TGM2: variants seen among roughly 807,000 people sequenced by gnomAD.
TGM2 encodes the protein protein-glutamine gamma-glutamyltransferase 2.
In TGM2, 53 loss-of-function variants were observed where a neutral mutation model predicts 75.6. That is an observed-to-expected ratio of 0.70 (90% CI 0.56 to 0.88). The LOEUF (loss-of-function observed/expected upper bound fraction) is 0.88, where lower values mean the gene tolerates loss of function less well. Ranked by LOEUF, TGM2 falls within the 40% of genes least tolerant of loss-of-function variation. The pLI, the probability that TGM2 is intolerant of heterozygous loss-of-function variation, is 0.00. For synonymous variants in TGM2, 374 were observed against 381.1 expected (o/e 0.98, Z 0.22); for missense variants, 842 against 928.5 (o/e 0.91, Z 1.21).
At chr20:38,134,366 G>A (rs1303821983) in intron 10 of TGM2, among the ~76,000 whole-genome samples, 1 of 152,190 alleles carries the variant, frequency 6.6e-6, no homozygotes, top group Non-Finnish European at 1.5e-5. Flanking sequence ...AAATTACTAG[G>A]TCAAGACCTG....
At chr20:38,166,893 C>T (rs1311073742), upstream of TGM2, among the ~76,000 whole-genome samples, 2 of 152,130 alleles carry the variant, frequency 1.3e-5, no homozygotes, top group African/African-American at 4.8e-5. Context: ...GAAAGAGCAG[C>T]GTGAGGAGAA....
intron 12 of TGM2, 134 bp downstream of exon 12, chr20:38,130,959 G>C: frequency 7.2e-7 from 1 of 1,398,154 alleles, no homozygotes; most frequent in Non-Finnish European, 9.9e-7. Context: ...AGGGTGTCTG[G>C]GAGTGGGCAC....
intron 12 of TGM2, 113 bp from the exon 13 acceptor site, chr20:38,130,482 A>C: frequency 8.4e-7 from 1 of 1,197,146 alleles, no homozygotes; most frequent in Non-Finnish European, 1.2e-6. Context: ...GTGTCCATGA[A>C]TGGGCCTCAT....
chr20:38,158,281 CAGG>C (rs1568702273), intron 2 of TGM2, among the ~76,000 whole-genome samples: 2 of 152,230 alleles, frequency 1.3e-5, no homozygotes, highest in Non-Finnish European at 2.9e-5. Context: ...CCTGGGGGAA[CAGG>C]AGAAGGACAG....
rs757001334 is a variant in TGM2, at chr20:38,139,406, A to G, written c.1342+6T>C. The G allele has an allele frequency of 1.9e-6, 3 of 1,614,030 alleles. No individual in the cohort carries two copies. Among genetic ancestry groups the G allele is most frequent in the East Asian group, 4.5e-5 (2 of 44,890 alleles). ...AGGCTGCATTAAAGACTCTGAGGGC[A>G]CATACCCTCTGGGTATTTGTAGGTG... On this transcript the variant is annotated splice_donor_region_variant and intron_variant, in intron 9 of 12. Transcript: ENST00000361475.
At chr20:38,160,669 T>C (rs538987841) in intron 2 of TGM2, among the ~76,000 whole-genome samples, 1 of 152,276 alleles carries the variant, frequency 6.6e-6, no homozygotes, top group African/African-American at 2.4e-5. Context: ...AATGAACTGC[T>C]GGGACCCAGA....
At chr20:38,162,514 G>T (rs570641191) in intron 1 of TGM2, among the ~76,000 whole-genome samples, 1 of 152,166 alleles carries the variant, frequency 6.6e-6, no homozygotes, top group African/African-American at 2.4e-5. Context: ...TAGATTGCAA[G>T]AAAGAAAATG....
intron 3 of TGM2, among the ~76,000 whole-genome samples, chr20:38,153,544 AAAG>A (rs367760874): frequency 2.2e-4 from 31 of 141,982 alleles, no homozygotes; most frequent in African/African-American, 7.8e-4. Context: ...AAAAAAAAAA[AAAG>A]AATGAATGAG....
intron 7 of TGM2, among the ~76,000 whole-genome samples, chr20:38,141,587 T>C (rs1399356193): frequency 6.6e-6 from 1 of 151,826 alleles, no homozygotes; most frequent in Non-Finnish European, 1.5e-5. Flanking sequence ...CGCCCACTCC[T>C]ACACCTCAGA....
intron 8 of TGM2, 77 bp from the exon 9 acceptor site, chr20:38,139,731 A>G (rs1230490720): frequency 3.2e-6 from 5 of 1,586,302 alleles, no homozygotes; most frequent in Non-Finnish European, 4.3e-6. Flanking sequence ...CCACAATTCA[A>G]TCACATGTAG....
At chr20:38,140,285 C>G (rs140120397) in intron 8 of TGM2, among the ~76,000 whole-genome samples, 1 of 152,230 alleles carries the variant, frequency 6.6e-6, no homozygotes, top group Non-Finnish European at 1.5e-5. Flanking sequence ...TCTAGCACAT[C>G]CATGTGATGG....
chr20:38,165,682 ACACACACACACACACACACGCACACACT>A (rs1453627540), upstream of TGM2, among the ~76,000 whole-genome samples: 1 of 150,856 alleles, frequency 6.6e-6, no homozygotes, highest in Non-Finnish European at 1.5e-5. Context: ...ACACACACAC[ACACACACACACACACACACGCACACACT>A]CACACACATA....
At chr20:38,161,104 C>T (rs879783451) in intron 2 of TGM2, among the ~76,000 whole-genome samples, 2 of 152,174 alleles carry the variant, frequency 1.3e-5, no homozygotes, top group Non-Finnish European at 2.9e-5. Context: ...CACGCCCAGC[C>T]TGTGGATGGG....
At position 38,146,811 on chromosome 20, in the gene TGM2, G is replaced by T. The variant is rs144447756; in HGVS notation, c.765C>A (p.Ile255=). 2 of 1,614,016 alleles carry T rather than the reference G, an allele frequency of 1.2e-6. No individual in the cohort carries two copies. The highest frequency in any genetic ancestry group is 8.5e-7 in the Non-Finnish European group (1 of 1,179,962). ...AGCGCCGCAGGATGTCCACGCTGCC[G>T]ATCCAGGACATGGGGCTGACGCCGT... ...YGDGVSPMSW[I]GSVDILRRWK... Residue 255 remains isoleucine, a synonymous_variant, in exon 6 of 13, where the codon ATC becomes ATA. Transcript: ENST00000361475.
At position 38,131,176 on chromosome 20, in the gene TGM2, C is replaced by T. The variant is rs372783610; in HGVS notation, c.1830G>A (p.Gln610=). The T allele has an allele frequency of 5.3e-5, 86 of 1,613,836 alleles. No individual in the cohort carries two copies. The highest frequency in any genetic ancestry group is 1.3e-4 in the Admixed American group (8 of 59,988). ...CTTCCAGGGCCACAGGGAGCGGGTT[C>T]TGCAGGGACACCTCAGCCACCAGCT... is the stretch of plus-strand genomic sequence containing the variant. The part of the protein sequence containing the change: ...KRKLVAEVSL[Q]NPLPVALEGC... The change falls in exon 12 of 13, where the codon CAG becomes CAA. Residue 610 remains glutamine, a synonymous_variant. Coordinates refer to ENST00000361475, the MANE Select transcript of TGM2 (RefSeq NM_004613.4).
At chr20:38,148,149 C>T in intron 4 of TGM2, 60 bp from the exon 5 acceptor site, 1 of 1,610,438 alleles carries the variant, frequency 6.2e-7, no homozygotes, top group East Asian at 2.2e-5. Context: ...CTCCAGGAAG[C>T]CTGCGTTGAA....
At chr20:38,149,153 C>T (rs2075082969) in intron 4 of TGM2, among the ~76,000 whole-genome samples, 1 of 152,214 alleles carries the variant, frequency 6.6e-6, no homozygotes. Flanking sequence ...TGAGCTTTCA[C>T]TTGCATAGTT....
In TGM2 at chr20:38,147,872, G is replaced by A. The variant is rs1001225879; in HGVS notation, c.681+89C>T. The stretch of plus-strand genomic sequence containing the variant: ...TTACCCATCTCCCGGGTCCCCCACC[G>A]CGCCTAGCCTGTGTCTCCACTGCGA... On this transcript the variant is annotated intron_variant, in intron 5 of 12. Coordinates refer to ENST00000361475, the MANE Select transcript of TGM2 (RefSeq NM_004613.4). 28 of 1,539,028 alleles carry A rather than the reference G, an allele frequency of 1.8e-5. No individual in the cohort carries two copies. In the East Asian group the frequency reaches 1.9e-4, roughly 11 times the overall value.
intron 10 of TGM2, among the ~76,000 whole-genome samples, chr20:38,136,995 T>C (rs1316705508): frequency 6.6e-6 from 1 of 152,150 alleles, no homozygotes; most frequent in Non-Finnish European, 1.5e-5. Flanking sequence ...AATGACACCA[T>C]GTCACTGCGA....
Sources: gnomAD v4.1 joint callset for allele counts (sites outside exome capture counted in the v4.1 genomes callset) on GRCh38, gnomAD v4.1.1 for gene constraint, MANE v1.5 for transcripts, NCBI Gene and HGNC (gene_info 2026-07-23, HGNC 2026-07-21) for gene names.